The following SLC26A4 variants were observed in gnomAD, a reference collection of about 807,000 sequenced individuals.
SLC26A4 encodes the protein solute carrier family 26 member 4.
SLC26A4 carries 93 observed loss-of-function variants against 90.4 expected under a neutral mutation model. The ratio of observed to expected loss-of-function variants is 1.03; its 90% CI spans 0.87 to 1.22. SLC26A4 has a LOEUF of 1.22. Ranked by LOEUF, SLC26A4 falls within the 50% of genes most tolerant of loss-of-function variation. The pLI, the probability that SLC26A4 is intolerant of heterozygous loss-of-function variation, is 0.00. For missense variants in SLC26A4, 1,127 were observed against 946.2 expected (o/e 1.19, Z -2.51); for synonymous variants, 393 against 354.6 (o/e 1.11, Z -1.22).
intron 10 of SLC26A4, 59 bp from the exon 11 acceptor site, chr7:107,694,344 A>T (rs1316911906): frequency 6.1e-6 from 8 of 1,301,918 alleles, no homozygotes; most frequent in Non-Finnish European, 8.9e-6. Flanking sequence ...ACATCCAGTG[A>T]GCTGGAAGAC....
chr7:107,701,334 C>A, intron 16 of SLC26A4, 138 bp downstream of exon 16: 1 of 680,378 alleles, frequency 1.5e-6, no homozygotes, highest in Non-Finnish European at 2.7e-6. Context: ...CAAAGAACAA[C>A]TGAGCTATTC....
chr7:107,707,931 T>C (rs1792074385), intron 18 of SLC26A4, among the ~76,000 whole-genome samples: 1 of 152,152 alleles, frequency 6.6e-6, no homozygotes, highest in Non-Finnish European at 1.5e-5. Flanking sequence ...CAAAATCGGA[T>C]CATAGGTCAC....
Position 107,661,348 on chromosome 7 carries a change from C to A in SLC26A4, c.-3-291C>A. The A allele has an allele frequency of 1.9e-6, 1 of 533,316 alleles. No homozygotes were observed. The highest frequency in any genetic ancestry group is 2.1e-5 in the South Asian group (1 of 47,748). The allele number at this position is 533,316 out of a possible 1,614,324, so 33.0% of individuals were successfully genotyped here. A position where few individuals can be genotyped will look rare whatever the true frequency, so the allele number is the denominator to read the frequency against. On this transcript the variant is annotated intron_variant, in intron 1 of 20. Transcript: ENST00000644269. This position sits in a 1 kb window ranked among gnomAD's most constrained non-coding sequence, Gnocchi z 5.1. ...GGGCCATAGGGGACTGGGTGGAACT[C>A]GGGAAGCCCCCAGAGCAGGGGCTTA...
rs1012979539 is a variant in SLC26A4, at chr7:107,674,258, A to G, written c.510A>G (p.Val170=). The G allele has an allele frequency of 1.9e-6, 3 of 1,613,920 alleles. No individual in the cohort carries two copies. Among genetic ancestry groups the G allele is most frequent in the Middle Eastern group, 1.6e-4 (1 of 6,084 alleles). The change falls in exon 5 of 21, where the codon GTA becomes GTG. Residue 170 remains valine (V), a synonymous_variant. Transcript: ENST00000644269. ...HFLVSSSNGT[V]LNTTMIDTAA... ...TCGTATCCAGCAGCAATGGAACTGT[A>G]TTAAATACTACTATGATAGACACTG...
rs951424510 is a variant in SLC26A4 at position 107,716,758 on chromosome 7, T to C, written c.*1312T>C. 1 of 152,174 alleles carries C rather than the reference T, an allele frequency of 6.6e-6. No individual in the cohort carries two copies. Among genetic ancestry groups the C allele is most frequent in the Non-Finnish European group, 1.5e-5 (1 of 68,028 alleles). The allele number at this position is 152,174 out of a possible 1,614,324, so 9.4% of individuals were successfully genotyped here. On this transcript the variant is annotated 3_prime_UTR_variant, in exon 21 of 21. Transcript: ENST00000644269. ...CCCCAATTGAGAATGTCTTGCTTGA[T>C]TGAAAACGACATCATCCCTTGGTAT...
At chr7:107,664,473 C>G (rs1013913055) in intron 3 of SLC26A4, among the ~76,000 whole-genome samples, 1 of 151,972 alleles carries the variant, frequency 6.6e-6, no homozygotes, top group Non-Finnish European at 1.5e-5. Context: ...CTCAAGTGAT[C>G]CGCCCTCCTT....
chr7:107,713,713 C>T (rs1442835422), intron 20 of SLC26A4, among the ~76,000 whole-genome samples: 1 of 152,096 alleles, frequency 6.6e-6, no homozygotes, highest in Non-Finnish European at 1.5e-5. Context: ...TTCATAATAG[C>T]AACATCAGAA....
intron 3 of SLC26A4, among the ~76,000 whole-genome samples, chr7:107,671,316 A>G (rs1790861044): frequency 6.6e-6 from 1 of 152,056 alleles, no homozygotes; most frequent in African/African-American, 2.4e-5. Context: ...GCGTGAACCA[A>G]TATGCTGGGC....
chr7:107,679,998 CTTATCTT>C (rs1469735564), intron 6 of SLC26A4, among the ~76,000 whole-genome samples: 48 of 129,242 alleles, frequency 3.7e-4, no homozygotes, highest in African/African-American at 1.0e-3. Flanking sequence ...ATAATATAAT[CTTATCTT>C]ATTATATAAT....
rs1398684486 is a variant in SLC26A4, at chr7:107,668,358, G to A, written c.305-3780G>A. ...TCGGTTAATTAATTAGAAGCCTCGT[G>A]AGCACAAATAAATGTTGCAATAAGG... On this transcript the variant is annotated intron_variant, in intron 3 of 20. Transcript: ENST00000644269. Among the ~76,000 whole-genome samples the A allele has an allele frequency of 2.0e-5, 3 of 152,208 alleles. No individual in the cohort carries two copies. The East Asian group carries it at 5.8e-4, about 29-fold the overall frequency.
intron 19 of SLC26A4, among the ~76,000 whole-genome samples, chr7:107,711,779 C>T (rs1792197114): frequency 6.6e-6 from 1 of 152,162 alleles, no homozygotes; most frequent in African/African-American, 2.4e-5. Flanking sequence ...TATCTCAGGA[C>T]ACAACTTGTA....
chr7:107,681,793 GA>G (rs1791236591), intron 6 of SLC26A4, among the ~76,000 whole-genome samples: 1 of 151,938 alleles, frequency 6.6e-6, no homozygotes, highest in Non-Finnish European at 1.5e-5. Flanking sequence ...TCTACTTAAA[GA>G]TTTTTTTTGG....
rs1185097699 is a variant in SLC26A4, at chr7:107,715,947, TA to T, written c.*504del. On this transcript the variant is annotated 3_prime_UTR_variant, in exon 21 of 21. Coordinates refer to ENST00000644269, the MANE Select transcript of SLC26A4 (RefSeq NM_000441.2). The stretch of plus-strand genomic sequence containing the variant: ...AAGCCTTTGAAAATACTTTGGATAA[TA>T]AATTGGAGTTTTAAAAATGCAAATT... The T allele has an allele frequency of 1.3e-5, 2 of 155,086 alleles. No homozygotes were observed. The highest frequency in any genetic ancestry group is 2.4e-5 in the African/African-American group (1 of 41,500). The allele number at this position is 155,086 out of a possible 1,614,324, so 9.6% of individuals were successfully genotyped here. A position where few individuals can be genotyped will look rare whatever the true frequency, so the allele number is the denominator to read the frequency against.
At chr7:107,663,105 C>T (rs553315315) in intron 2 of SLC26A4, among the ~76,000 whole-genome samples, 191 bp from the exon 3 acceptor site, 25 of 152,262 alleles carry the variant, frequency 1.6e-4, no homozygotes, top group African/African-American at 5.8e-4. Flanking sequence ...TAGAAGAGTG[C>T]ATTTAAAAGG....
At chr7:107,680,308 C>CTTATCTTATTATATAGTG (rs1200398959) in intron 6 of SLC26A4, among the ~76,000 whole-genome samples, 1 of 92,868 alleles carries the variant, frequency 1.1e-5, no homozygotes, top group Admixed American at 1.1e-4. Context: ...ATAATATAAT[C>CTTATCTTATTATATAGTG]TTATATTATT....
At chr7:107,699,640 T>C (rs950989416) in intron 14 of SLC26A4, among the ~76,000 whole-genome samples, 1 of 152,174 alleles carries the variant, frequency 6.6e-6, no homozygotes, top group Non-Finnish European at 1.5e-5. Flanking sequence ...TCAAGAAAAG[T>C]TGTAGAGGCC....
intron 12 of SLC26A4, 149 bp downstream of exon 12, chr7:107,694,865 G>A (rs1791693707): frequency 4.3e-6 from 3 of 693,166 alleles, no homozygotes; most frequent in African/African-American, 1.8e-5. Context: ...ATAAATCAAA[G>A]CCATGAAGTC....
chr7:107,709,968 G>C (rs1792135473), intron 18 of SLC26A4, 86 bp from the exon 19 acceptor site: 2 of 1,149,148 alleles, frequency 1.7e-6, no homozygotes, highest in Non-Finnish European at 2.6e-6. Flanking sequence ...ACTCCAGCCT[G>C]GGCAATAGAA....
At chr7:107,674,442 A>G in intron 5 of SLC26A4, 94 bp downstream of exon 5, 1 of 1,076,842 alleles carries the variant, frequency 9.3e-7, no homozygotes, top group Non-Finnish European at 1.4e-6. Context: ...TAAAAACAAA[A>G]CAAAGTAATT....
Sources: allele counts gnomAD v4.1 joint callset (sites outside exome capture counted in the v4.1 genomes callset), GRCh38; gene constraint gnomAD v4.1.1; non-coding constraint Gnocchi (gnomAD v3.1); transcripts MANE v1.5; gene names NCBI Gene and HGNC (gene_info 2026-07-23, HGNC 2026-07-21).